DNAAF9: variants seen among roughly 807,000 people sequenced by gnomAD.
DNAAF9 encodes the protein dynein axonemal assembly factor 9.
In DNAAF9, 90 loss-of-function variants were observed where a neutral mutation model predicts 167.0. The observed-to-expected ratio is 0.54, with a 90% CI of 0.45 to 0.64. DNAAF9 has a LOEUF of 0.64. DNAAF9 is among the 30% of genes least tolerant of loss of function. The pLI is 0.00. For synonymous variants in DNAAF9, 491 were observed against 508.8 expected, an observed-to-expected ratio of 0.96 and a Z score of 0.47; for missense variants, 1,315 against 1,442.2, an observed-to-expected ratio of 0.91 and a Z score of 1.43.
intron 30 of DNAAF9, 98 bp downstream of exon 30, chr20:3,270,329 G>A (rs1441430615): frequency 8.5e-7 from 1 of 1,176,448 alleles, no homozygotes; most frequent in African/African-American, 1.5e-5. Context: ...TTCTCCAAAT[G>A]TTTAGGTCTT....
intron 10 of DNAAF9, among the ~76,000 whole-genome samples, chr20:3,336,259 T>TTG (rs1474343880): frequency 2.6e-5 from 1 of 38,962 alleles, no homozygotes; most frequent in Non-Finnish European, 6.8e-5. Flanking sequence ...TGCGTTTTTG[T>TTG]TTTTTTTTTT....
In DNAAF9 at chr20:3,343,840, CGTGTGTGT is replaced by C. The variant is rs10582105; in HGVS notation, c.790-117_790-110del. On this transcript the variant is annotated intron_variant, in intron 8 of 36. Transcript: ENST00000252032. The stretch of plus-strand genomic sequence containing the variant: ...ACACATGCTTCAGGAGAGTGCACAG[CGTGTGTGT>C]GTGTGTGTGTGCGTGTGTGCATGTG... 8.9e-4 allele frequency: 584 copies of C among 653,326 alleles called. 2 individuals are homozygous for C. The African/African-American group carries it at 9.6e-3, about 11-fold the overall frequency. The allele number at this position is 653,326 out of a possible 1,614,324, so 40.5% of individuals were successfully genotyped here.
intron 16 of DNAAF9, among the ~76,000 whole-genome samples, chr20:3,320,390 G>A (rs1056749824): frequency 6.6e-6 from 1 of 152,146 alleles, no homozygotes; most frequent in Non-Finnish European, 1.5e-5. Flanking sequence ...TAGACAAAAA[G>A]CATCAACTTC....
At chr20:3,267,059 T>G (rs1437427729) in intron 30 of DNAAF9, among the ~76,000 whole-genome samples, 2 of 151,746 alleles carry the variant, frequency 1.3e-5, no homozygotes, top group African/African-American at 4.8e-5. Flanking sequence ...GCCATATTGG[T>G]CAGGCTGATT....
Position 3,256,221 on chromosome 20 carries a change from G to C in DNAAF9, c.3056-10C>G, listed in dbSNP as rs776929308. 8.8e-6 allele frequency: 14 copies of C among 1,594,864 alleles called. No individual in the cohort carries two copies. The highest frequency in any genetic ancestry group is 1.2e-5 in the Non-Finnish European group (14 of 1,162,506). On this transcript the variant is annotated splice_polypyrimidine_tract_variant and intron_variant, in intron 33 of 36. Transcript: ENST00000252032. ...ATGGTCCTCTCAGAGTCTGTAAGGA[G>C]AATACACATTAGTCCCTGAGAGCCT... is the stretch of plus-strand genomic sequence containing the variant.
Position 3,294,616 on chromosome 20 carries a change from G to C in DNAAF9, c.2032C>G (p.Gln678Glu), listed in dbSNP as rs374023760. 20 of 1,608,160 alleles carry C rather than the reference G, an allele frequency of 1.2e-5. No individual in the cohort carries two copies. Among genetic ancestry groups the C allele is most frequent in the East Asian group, 1.1e-4 (5 of 44,836 alleles). Residue 678 changes from glutamine to glutamate, a missense_variant, in exon 24 of 37, where the codon CAG (glutamine) becomes GAG (glutamate). Coordinates refer to ENST00000252032, the MANE Select transcript of DNAAF9 (RefSeq NM_001009984.3). ...TGGCTCAGGGCACTGAAGAGCTTCT[G>C]TGCACTGGAGTGCCTGGAATAACAA... ...VEQKRLHSSA[Q>E]KLFSALSQPA... is the part of the protein sequence containing the mutation.
At chr20:3,332,752 C>T (rs1164278931) in intron 10 of DNAAF9, among the ~76,000 whole-genome samples, 1 of 152,166 alleles carries the variant, frequency 6.6e-6, no homozygotes, top group Non-Finnish European at 1.5e-5. Context: ...GTGTGCACCA[C>T]TGCACCTGGC....
At chr20:3,401,841 TG>T (rs928965885) in intron 1 of DNAAF9, among the ~76,000 whole-genome samples, 55 of 129,164 alleles carry the variant, frequency 4.3e-4, no homozygotes, top group African/African-American at 1.6e-3. Context: ...TACCTCGGTA[TG>T]GGGAGGGGGT....
intron 29 of DNAAF9, among the ~76,000 whole-genome samples, chr20:3,271,618 ACTTCTT>A (rs145857342): frequency 6.1e-5 from 9 of 148,364 alleles, no homozygotes; most frequent in African/African-American, 2.3e-4. Context: ...ATTTTTATTT[ACTTCTT>A]CTTTTTTTTT....
At chr20:3,369,690 A>G (rs2083483360) in intron 6 of DNAAF9, among the ~76,000 whole-genome samples, 1 of 152,182 alleles carries the variant, frequency 6.6e-6, no homozygotes, top group Non-Finnish European at 1.5e-5. Flanking sequence ...AGTTAACTTT[A>G]AAGGTTAAAG....
intron 29 of DNAAF9, among the ~76,000 whole-genome samples, chr20:3,271,668 T>C (rs1455950873): frequency 2.0e-5 from 3 of 151,606 alleles, no homozygotes; most frequent in African/African-American, 7.3e-5. Context: ...GTTGTCCAGG[T>C]TGGAGTGCAA....
At chr20:3,339,916 C>A (rs1201561535) in intron 10 of DNAAF9, among the ~76,000 whole-genome samples, 3 of 152,168 alleles carry the variant, frequency 2.0e-5, no homozygotes, top group African/African-American at 7.2e-5. Flanking sequence ...AACAAAAAAA[C>A]TAGTACCTAC....
At chr20:3,393,764 G>T (rs912366341) in intron 1 of DNAAF9, among the ~76,000 whole-genome samples, 5 of 152,156 alleles carry the variant, frequency 3.3e-5, no homozygotes, top group African/African-American at 1.2e-4. Context: ...TTTGATAGGT[G>T]TTGCCAAATT....
At chr20:3,274,974 C>T (rs548425290) in intron 29 of DNAAF9, among the ~76,000 whole-genome samples, 1 of 152,314 alleles carries the variant, frequency 6.6e-6, no homozygotes, top group South Asian at 2.1e-4. Flanking sequence ...TTCGCATGGC[C>T]ATTTGGAAAG....
intron 26 of DNAAF9, 108 bp from the exon 27 acceptor site, chr20:3,287,898 A>C: frequency 3.1e-6 from 3 of 981,656 alleles, no homozygotes; most frequent in Non-Finnish European, 4.7e-6. Context: ...CATTCTGCCC[A>C]GTGAATCCAT....
chr20:3,382,401 A>G, intron 2 of DNAAF9, 26 bp downstream of exon 2: 1 of 1,588,890 alleles, frequency 6.3e-7, no homozygotes, highest in Non-Finnish European at 8.6e-7. Context: ...CCAAGCCCTG[A>G]GTCCCACCTT....
At chr20:3,397,846 A>G (rs886886827) in intron 1 of DNAAF9, among the ~76,000 whole-genome samples, 1 of 152,156 alleles carries the variant, frequency 6.6e-6, no homozygotes, top group African/African-American at 2.4e-5. Flanking sequence ...CCATGCTTCT[A>G]GATTCAATAT....
rs543111462 is a variant in DNAAF9, at chr20:3,349,135, C to T, written c.691-512G>A. Among the ~76,000 whole-genome samples the T allele has an allele frequency of 8.1e-5, 11 of 136,042 alleles. No homozygotes were observed. The South Asian group carries it at 9.9e-4, about 12-fold the overall frequency. The allele number at this position is 136,042 out of a possible 152,430, so 89.2% of individuals were successfully genotyped here. On this transcript the variant is annotated intron_variant, in intron 7 of 36. Transcript: ENST00000252032. ...TTGGGAGGCCCAGGTGGGAGAATCACATGAGCCCCAGGACTTCCAGACCAG... is the reference window on the plus strand; with the variant it reads ...TTGGGAGGCCCAGGTGGGAGAATCATATGAGCCCCAGGACTTCCAGACCAG...
At chr20:3,364,078 A>C (rs909985735) in intron 6 of DNAAF9, among the ~76,000 whole-genome samples, 2 of 152,204 alleles carry the variant, frequency 1.3e-5, no homozygotes, top group African/African-American at 4.8e-5. Context: ...CTGAGACTAC[A>C]GGCACATGGC....
Sources: allele counts gnomAD v4.1 joint callset (sites outside exome capture counted in the v4.1 genomes callset), GRCh38; gene constraint gnomAD v4.1.1; transcripts MANE v1.5; gene names NCBI Gene and HGNC (gene_info 2026-07-23, HGNC 2026-07-21).